The following OGN variants were observed in gnomAD, a reference collection of about 807,000 sequenced individuals.
OGN encodes osteoglycin.
A neutral mutation model predicts 30.8 loss-of-function variants in OGN; 19 were observed. The ratio of observed to expected loss-of-function variants is 0.62; its 90% CI spans 0.43 to 0.90. OGN has a LOEUF of 0.90. Ranked by LOEUF, OGN falls within the 40% of genes least tolerant of loss-of-function variation. The pLI is 0.00. For missense variants in OGN, 283 were observed against 349.7 expected, an observed-to-expected ratio of 0.81 and a Z score of 1.52; for synonymous variants, 126 against 128.3, an observed-to-expected ratio of 0.98 and a Z score of 0.12.
chr9:92,391,500 G>C (rs970929055), intron 4 of OGN, among the ~76,000 whole-genome samples: 2 of 152,162 alleles, frequency 1.3e-5, no homozygotes, highest in East Asian at 1.9e-4. Flanking sequence ...TTGCGAGACT[G>C]AGGGACAAGA....
rs1376568925 is a variant in OGN at position 92,385,370 on chromosome 9, AG to A, written c.*249del. Reference sequence around the variant, plus strand: ...TATAAAAACATGATTTTTAAATGGTAGTCTAGTATAAACTAGGATTTTGTAA... The same window carrying A: ...TATAAAAACATGATTTTTAAATGGTATCTAGTATAAACTAGGATTTTGTAA... On this transcript the variant is annotated 3_prime_UTR_variant, in exon 7 of 7. Coordinates refer to ENST00000375561, the MANE Select transcript of OGN (RefSeq NM_014057.5). 2.9e-6 allele frequency: 1 copy of A among 348,840 alleles called. No individual in the cohort carries two copies. The highest frequency in any genetic ancestry group is 4.4e-5 in the Admixed American group (1 of 22,720). The allele number at this position is 348,840 out of a possible 1,614,324, so 21.6% of individuals were successfully genotyped here.
At chr9:92,386,803 C>T (rs1441365141) in intron 5 of OGN, among the ~76,000 whole-genome samples, 3 of 151,954 alleles carry the variant, frequency 2.0e-5, no homozygotes, top group Non-Finnish European at 4.4e-5. Context: ...GGTATGGTAT[C>T]GATTTCCTGA....
chr9:92,398,350 T>C (rs973170431), intron 3 of OGN, among the ~76,000 whole-genome samples: 7 of 152,314 alleles, frequency 4.6e-5, no homozygotes, highest in African/African-American at 1.7e-4. Context: ...TTTTTGACTA[T>C]ACGAAACAGC....
upstream of OGN, chr9:92,404,684 T>C (rs1212142523): frequency 9.6e-6 from 12 of 1,243,980 alleles, no homozygotes; most frequent in Admixed American, 4.5e-4. Context: ...ATTCTTTCTC[T>C]AGGGTGAAAT....
rs758873702 is a variant in OGN at position 92,403,240 on chromosome 9, AT to A, written c.167del (p.Asn56IlefsTer8). The A allele has an allele frequency of 2.6e-6, 4 of 1,562,496 alleles. No homozygotes were observed. The highest frequency in any genetic ancestry group is 2.7e-5 in the African/African-American group (2 of 73,360). Reference sequence around the variant, plus strand: ...TAGAATAGAAATAAAGTACCTTAATATTTTTTCCATCCAGGTATTTATCCTC... The same window carrying A: ...TAGAATAGAAATAAAGTACCTTAATATTTTTCCATCCAGGTATTTATCCTC... The part of the protein sequence containing the change: ...DYEDKYLDGK[N>X]IKEKETVIIP... On this transcript the variant is annotated frameshift_variant, in exon 2 of 7. Transcript: ENST00000375561. LOFTEE classifies it high-confidence loss of function.
In OGN at chr9:92,386,209, G is replaced by C; in HGVS notation, c.718C>G (p.His240Asp). The C allele has an allele frequency of 6.2e-7, 1 of 1,602,502 alleles. No homozygotes were observed. Among genetic ancestry groups the C allele is most frequent in the South Asian group, 1.1e-5 (1 of 90,776 alleles). The change falls in exon 6 of 7, where the codon CAT becomes GAT. Residue 240 changes from histidine to aspartate, a missense_variant. Transcript: ENST00000375561. ...GAAAGGAACTATCATACCTGAAGAT[G>C]AATTACACGTAGACTTTCTGGTAAA... ...LNLPESLRVI[H>D]LQFNNIASIT...
chr9:92,383,858 T>A lies in OGN; in HGVS notation c.*1762A>T, dbSNP rs976706636. The A allele has an allele frequency of 6.6e-6, 1 of 152,162 alleles. No individual in the cohort carries two copies. The highest frequency in any genetic ancestry group is 1.5e-5 in the Non-Finnish European group (1 of 68,016). The allele number at this position is 152,162 out of a possible 1,614,324, so 9.4% of individuals were successfully genotyped here. On this transcript the variant is annotated 3_prime_UTR_variant, in exon 7 of 7. Coordinates refer to ENST00000375561, the MANE Select transcript of OGN (RefSeq NM_014057.5). ...ATGGTGTTTTGCTCCATAAGTTTTA[T>A]CATAAAAATAATATAGGAATACATT...
At chr9:92,398,394 A>C (rs1391511651) in intron 3 of OGN, among the ~76,000 whole-genome samples, 1 of 152,194 alleles carries the variant, frequency 6.6e-6, no homozygotes, top group Admixed American at 6.5e-5. Flanking sequence ...ATTAAAAAGT[A>C]TATACGCAGA....
Position 92,385,474 on chromosome 9 carries a change from T to C in OGN, c.*146A>G, listed in dbSNP as rs1219570019. On this transcript the variant is annotated 3_prime_UTR_variant, in exon 7 of 7. Coordinates refer to ENST00000375561, the MANE Select transcript of OGN (RefSeq NM_014057.5). ...TACTTTTTACTTATTATATGTAAGA[T>C]TTTGAACATCCTTGCTTAAAATATT... 3 of 677,168 alleles carry C rather than the reference T, an allele frequency of 4.4e-6. No homozygotes were observed. Among genetic ancestry groups the C allele is most frequent in the Non-Finnish European group, 7.2e-6 (3 of 415,120 alleles). 41.9% of individuals were successfully genotyped at this position (677,168 alleles called of 1,614,324 possible).
At chr9:92,398,175 G>C (rs1185479643) in intron 3 of OGN, among the ~76,000 whole-genome samples, 1 of 152,150 alleles carries the variant, frequency 6.6e-6, no homozygotes, top group Non-Finnish European at 1.5e-5. Flanking sequence ...TCCTTAGCCT[G>C]AAGGTATATA....
At chr9:92,395,377 A>G (rs1307632633) in intron 3 of OGN, among the ~76,000 whole-genome samples, 1 of 152,124 alleles carries the variant, frequency 6.6e-6, no homozygotes. Context: ...CTTCTTTATT[A>G]CTCAGTAGTA....
chr9:92,400,541 T>C (rs1588100739), intron 3 of OGN, among the ~76,000 whole-genome samples: 1 of 152,342 alleles, frequency 6.6e-6, no homozygotes, highest in East Asian at 1.9e-4. Context: ...TTTCATTTTA[T>C]TTTAGAAATA....
At position 92,403,737 on chromosome 9, in the gene OGN, A is replaced by G. The variant is rs940874827; in HGVS notation, c.-75-255T>C. On this transcript the variant is annotated intron_variant, in intron 1 of 6. Transcript: ENST00000375561. Reference sequence around the variant, plus strand: ...TTAAGTGCCTTCAGCAGACATACTAATATTTAATTGAAATATTCTTAGGAT... The same window carrying G: ...TTAAGTGCCTTCAGCAGACATACTAGTATTTAATTGAAATATTCTTAGGAT... The G allele has an allele frequency of 5.6e-6, 4 of 713,662 alleles. No individual in the cohort carries two copies. The African/African-American group carries it at 7.6e-5, about 14-fold the overall frequency. The allele number at this position is 713,662 out of a possible 1,614,324, so 44.2% of individuals were successfully genotyped here. A position where few individuals can be genotyped will look rare whatever the true frequency, so the allele number is the denominator to read the frequency against.
rs1287973144 is a variant in OGN at position 92,393,057 on chromosome 9, T to C, written c.427+29A>G. 2.5e-6 allele frequency: 4 copies of C among 1,586,130 alleles called. No homozygotes were observed. In the South Asian group the frequency reaches 4.5e-5, roughly 18 times the overall value. On this transcript the variant is annotated intron_variant, in intron 4 of 6. Coordinates refer to ENST00000375561, the MANE Select transcript of OGN (RefSeq NM_014057.5). ...TGAGTTAAATACTAATACGAGTTAA[T>C]ACTAATATCATATTTCAGCTTAACT...
rs1842414403 is a variant in OGN, at chr9:92,386,219, T to C, written c.708A>G (p.Leu236=). Residue 236 remains leucine (L), a synonymous_variant, in exon 6 of 7, where the codon CTA becomes CTG. Coordinates refer to ENST00000375561, the MANE Select transcript of OGN (RefSeq NM_014057.5). ...ATCATACCTGAAGATGAATTACACG[T>C]AGACTTTCTGGTAAATTAAGAGGCA... The part of the protein sequence containing the change: ...ESVPLNLPES[L]RVIHLQFNNI... 2 of 1,610,150 alleles carry C rather than the reference T, an allele frequency of 1.2e-6. No homozygotes were observed. The highest frequency in any genetic ancestry group is 1.7e-6 in the Non-Finnish European group (2 of 1,176,466).
At chr9:92,386,611 A>C (rs921674585) in intron 5 of OGN, among the ~76,000 whole-genome samples, 7 of 152,048 alleles carry the variant, frequency 4.6e-5, no homozygotes, top group African/African-American at 1.4e-4. Context: ...GTTTGTCTTG[A>C]TAGGAACTAA....
At chr9:92,387,274 A>C (rs895971995) in intron 5 of OGN, among the ~76,000 whole-genome samples, 3 of 150,016 alleles carry the variant, frequency 2.0e-5, no homozygotes, top group African/African-American at 7.4e-5. Flanking sequence ...AGGGAGCCTG[A>C]GTGAGGCAGG....
chr9:92,391,681 G>A (rs935828367), intron 4 of OGN, among the ~76,000 whole-genome samples: 18 of 152,076 alleles, frequency 1.2e-4, no homozygotes, highest in Admixed American at 3.9e-4. Context: ...AAAACATGTC[G>A]TTAAATAGAC....
intron 3 of OGN, among the ~76,000 whole-genome samples, chr9:92,400,498 G>A (rs567028051): frequency 6.6e-6 from 1 of 152,076 alleles, no homozygotes; most frequent in East Asian, 1.9e-4. Context: ...CATACTTCTC[G>A]CTTTTTAAGC....
Sources: allele counts gnomAD v4.1 joint callset (sites outside exome capture counted in the v4.1 genomes callset), GRCh38; gene constraint gnomAD v4.1.1; transcripts MANE v1.5; gene names NCBI Gene and HGNC (gene_info 2026-07-23, HGNC 2026-07-21).